The following SCN1A variants were observed in gnomAD, a reference collection of about 807,000 sequenced individuals.
SCN1A encodes sodium voltage-gated channel alpha subunit 1.
A neutral mutation model predicts 193.7 loss-of-function variants in SCN1A; 13 were observed. That is an observed-to-expected ratio of 0.07 (90% confidence interval 0.04 to 0.11). The LOEUF is 0.11. Ranked by LOEUF, SCN1A falls within the 10% of genes least tolerant of loss-of-function variation. The probability of loss-of-function intolerance (pLI) is 1.00; values close to 1 mark genes in which losing one functional copy is unlikely to be tolerated. For missense variants in SCN1A, 1,432 were observed against 2,451.1 expected (o/e 0.58, Z 8.78); for synonymous variants, 781 against 843.6 (o/e 0.93, Z 1.29).
At chr2:166,085,413 A>T (rs1309994910) in intron 2 of SCN1A, among the ~76,000 whole-genome samples, 1 of 152,208 alleles carries the variant, frequency 6.6e-6, no homozygotes, top group Non-Finnish European at 1.5e-5. Flanking sequence ...AATATCCTGC[A>T]GAATTCTGTG....
rs1697986212 is a variant in SCN1A at position 166,047,544 on chromosome 2, A to G, written c.1170+83T>C. On this transcript the variant is annotated intron_variant, in intron 11 of 28. Coordinates refer to ENST00000674923, the MANE Select transcript of SCN1A (RefSeq NM_001165963.4). ...CAAGTTCTGCTCTTTCTACTATATT[A>G]TCATCCGGTTTTAATTTCATAACTC... 3 of 1,473,856 alleles carry G rather than the reference A, an allele frequency of 2.0e-6. No homozygotes were observed. In the African/African-American group the frequency reaches 4.2e-5, roughly 20 times the overall value. 91.3% of individuals were successfully genotyped at this position (1,473,856 alleles called of 1,614,324 possible). A position where few individuals can be genotyped will look rare whatever the true frequency, so the allele number is the denominator to read the frequency against.
intron 3 of SCN1A, 70 bp from the exon 4 acceptor site, chr2:166,073,740 A>G (rs1406693021): frequency 8.8e-7 from 1 of 1,140,812 alleles, no homozygotes; most frequent in African/African-American, 1.6e-5. Context: ...AATTCTTGTC[A>G]TGAAACATGA....
chr2:166,029,597 A>T (rs1237149190), intron 19 of SCN1A, among the ~76,000 whole-genome samples: 1 of 152,182 alleles, frequency 6.6e-6, no homozygotes, highest in Non-Finnish European at 1.5e-5. Flanking sequence ...GCAAAGCAAC[A>T]AGTAGATTTA....
intron 2 of SCN1A, among the ~76,000 whole-genome samples, chr2:166,102,459 G>C (rs1574502087): frequency 1.4e-5 from 2 of 143,346 alleles, no homozygotes; most frequent in South Asian, 2.2e-4. Flanking sequence ...TCGCTCCACA[G>C]CACTCCATTC....
At chr2:165,999,568 A>T (rs1690542723) in intron 25 of SCN1A, among the ~76,000 whole-genome samples, 155 bp downstream of exon 25, 1 of 151,666 alleles carries the variant, frequency 6.6e-6, no homozygotes. Flanking sequence ...TCTTTCTGAT[A>T]AACATTGCTA....
chr2:166,122,706 C>A (rs1309206184), intron 2 of SCN1A, among the ~76,000 whole-genome samples: 3 of 152,032 alleles, frequency 2.0e-5, no homozygotes, highest in Admixed American at 2.0e-4. Flanking sequence ...CCCTACCTCA[C>A]ATTATATGCA....
intron 15 of SCN1A, among the ~76,000 whole-genome samples, chr2:166,041,772 GT>G (rs1697220005): frequency 6.6e-6 from 1 of 152,196 alleles, no homozygotes; most frequent in African/African-American, 2.4e-5. Context: ...TGGGAACATG[GT>G]TTAGGGTGGT....
At position 166,064,543 on chromosome 2, in the gene SCN1A, A is replaced by G. The variant is rs192743379; in HGVS notation, c.265-5855T>C. On this transcript the variant is annotated intron_variant, in intron 4 of 28. Coordinates refer to ENST00000674923, the MANE Select transcript of SCN1A (RefSeq NM_001165963.4). ...GGTAGAAATTGCTATTTATGAAGCTATATTTGTTATTATCTAGTAATCTTT... is the reference window on the plus strand; with the variant it reads ...GGTAGAAATTGCTATTTATGAAGCTGTATTTGTTATTATCTAGTAATCTTT... Among the ~76,000 whole-genome samples the G allele has an allele frequency of 2.3e-4, 35 of 152,246 alleles. No homozygotes were observed. The East Asian group carries it at 6.4e-3, about 28-fold the overall frequency.
intron 4 of SCN1A, chr2:166,059,559 T>C (rs1160447907): frequency 6.6e-6 from 1 of 152,182 alleles, no homozygotes; most frequent in Non-Finnish European, 1.5e-5. Context: ...CTCAATGTTT[T>C]CCAAGGTGCT....
At chr2:166,009,871 A>T in intron 22 of SCN1A, 30 bp from the exon 23 acceptor site, 1 of 1,598,828 alleles carries the variant, frequency 6.3e-7, no homozygotes, top group Non-Finnish European at 8.6e-7. Flanking sequence ...AACAATTAAT[A>T]AACAGAATCA....
chr2:166,020,662 C>T (rs943165416), intron 19 of SCN1A, among the ~76,000 whole-genome samples: 22 of 151,998 alleles, frequency 1.4e-4, no homozygotes, highest in African/African-American at 4.8e-4. Context: ...ATTGAATAAA[C>T]GTAACACCGG....
intron 4 of SCN1A, among the ~76,000 whole-genome samples, chr2:166,064,904 A>G (rs764811403): frequency 5.3e-5 from 8 of 152,220 alleles, no homozygotes; most frequent in Admixed American, 1.3e-4. Flanking sequence ...CACAAAATGT[A>G]GAATATACTA....
intron 2 of SCN1A, among the ~76,000 whole-genome samples, chr2:166,091,630 G>A (rs930219023): frequency 1.3e-5 from 2 of 152,136 alleles, no homozygotes; most frequent in African/African-American, 2.4e-5. Flanking sequence ...TTCTTAAACC[G>A]ATACATCTTG....
intron 2 of SCN1A, among the ~76,000 whole-genome samples, chr2:166,087,162 G>C (rs1023156242): frequency 2.7e-5 from 4 of 147,652 alleles, no homozygotes. Flanking sequence ...ATGAGAACTG[G>C]TTGAAAAAAA....
intron 19 of SCN1A, among the ~76,000 whole-genome samples, chr2:166,017,213 T>G (rs10182473): frequency 6.6e-6 from 1 of 151,450 alleles, no homozygotes; most frequent in African/African-American, 2.4e-5. Context: ...CTGCATACTA[T>G]GCTCAGAAGC....
chr2:166,113,160 T>C (rs969599521), intron 2 of SCN1A, among the ~76,000 whole-genome samples: 6 of 152,122 alleles, frequency 3.9e-5, no homozygotes, highest in African/African-American at 1.4e-4. Flanking sequence ...TATTATTGAA[T>C]TGAATTGTGG....
At chr2:166,072,543 A>G (rs1362052068) in intron 4 of SCN1A, among the ~76,000 whole-genome samples, 1 of 152,240 alleles carries the variant, frequency 6.6e-6, no homozygotes, top group Non-Finnish European at 1.5e-5. Context: ...ATGTTATTTT[A>G]CAGGTAACAA....
At chr2:166,075,629 C>A (rs1684914781) in intron 3 of SCN1A, among the ~76,000 whole-genome samples, 1 of 151,808 alleles carries the variant, frequency 6.6e-6, no homozygotes, top group African/African-American at 2.4e-5. Flanking sequence ...AATAAAGTTG[C>A]AAGTAATACA....
At chr2:166,148,514 T>A (rs1046154915) in intron 1 of SCN1A, among the ~76,000 whole-genome samples, 1 of 152,228 alleles carries the variant, frequency 6.6e-6, no homozygotes, top group Admixed American at 6.5e-5. Flanking sequence ...TCAGTGCTAG[T>A]GTCGAATGGC....
Sources: allele counts gnomAD v4.1 joint callset (sites outside exome capture counted in the v4.1 genomes callset), GRCh38; gene constraint gnomAD v4.1.1; transcripts MANE v1.5; gene names NCBI Gene and HGNC (gene_info 2026-07-23, HGNC 2026-07-21).